HYDIN: variants seen among roughly 807,000 people sequenced by gnomAD.
The protein encoded by HYDIN is axonemal central pair apparatus protein HYDIN.
A neutral mutation model predicts 403.9 loss-of-function variants in HYDIN; 132 were observed. The ratio of observed to expected loss-of-function variants is 0.33; its 90% CI spans 0.28 to 0.38. HYDIN has a LOEUF of 0.38. Ranked by LOEUF, HYDIN falls within the 10% of genes least tolerant of loss-of-function variation. The pLI is 1.00. For synonymous variants in HYDIN, 1,202 were observed against 1,891.7 expected, an observed-to-expected ratio of 0.64 and a Z score of 9.46; for missense variants, 2,827 against 5,009.5, an observed-to-expected ratio of 0.56 and a Z score of 13.15.
chr16:70,908,222 A>C (rs1262155846), intron 49 of HYDIN, 30 bp downstream of exon 49: 1 of 1,474,382 alleles, frequency 6.8e-7, no homozygotes, highest in Non-Finnish European at 9.4e-7. Context: ...ACATCTGTCA[A>C]CCTTTTCTTT....
At chr16:70,985,006 A>C (rs1446281662) in intron 28 of HYDIN, 179 bp downstream of exon 28, 1 of 561,844 alleles carries the variant, frequency 1.8e-6, no homozygotes, top group African/African-American at 1.9e-5. Context: ...GGGACTAAAT[A>C]AATATTTGTT....
At chr16:71,071,130 G>A (rs901918769) in intron 13 of HYDIN, among the ~76,000 whole-genome samples, 2 of 141,908 alleles carry the variant, frequency 1.4e-5, no homozygotes, top group South Asian at 2.5e-4. Flanking sequence ...TGAGTTAGAC[G>A]ATCTGTGAAT....
rs754293008 is a variant in HYDIN at position 70,809,899 on chromosome 16, C to T, written c.14767G>A (p.Ala4923Thr). The T allele has an allele frequency of 2.5e-6, 4 of 1,614,220 alleles. No individual in the cohort carries two copies. The highest frequency in any genetic ancestry group is 2.5e-6 in the Non-Finnish European group (3 of 1,180,036). Reference protein sequence around the residue: ...GYYQYELYLKATPALPEKPVH... With the variant: ...GYYQYELYLKTTPALPEKPVH... ...GGCTTTTCCGGAAGTGCTGGCGTGG[C>T]TTTCAGATAGAGCTCATATTGGTAG... is the stretch of plus-strand genomic sequence containing the variant. Residue 4923 changes from alanine (A) to threonine (T), a missense_variant, in exon 85 of 86, where the codon GCC becomes ACC. Transcript: ENST00000393567.
chr16:70,831,529 CA>C (rs57465488), intron 80 of HYDIN, among the ~76,000 whole-genome samples: 3,854 of 91,536 alleles, frequency 0.042, 150 homozygotes, highest in African/African-American at 0.14. Context: ...AAAAAAAAAC[CA>C]AAAAAAAAAA....
At chr16:70,881,537 G>A (rs2040806307) in intron 60 of HYDIN, among the ~76,000 whole-genome samples, 1 of 146,462 alleles carries the variant, frequency 6.8e-6, no homozygotes, top group Admixed American at 6.7e-5. Context: ...GAACCTGGGA[G>A]GCAGAGCTTG....
intron 85 of HYDIN, 114 bp downstream of exon 85, chr16:70,809,669 A>G: frequency 1.2e-6 from 1 of 847,240 alleles, no homozygotes; most frequent in Non-Finnish European, 1.9e-6. Context: ...CATGACAACG[A>G]AGCACCTGAG....
At chr16:71,020,812 G>GA (rs537902244) in intron 21 of HYDIN, among the ~76,000 whole-genome samples, 47 of 115,156 alleles carry the variant, frequency 4.1e-4, no homozygotes, top group Admixed American at 5.8e-4. Flanking sequence ...CAGTCTCAAG[G>GA]AAAAAAAAAA....
chr16:70,812,327 T>C (rs2035559405), intron 84 of HYDIN, among the ~76,000 whole-genome samples: 1 of 149,754 alleles, frequency 6.7e-6, no homozygotes, highest in African/African-American at 2.5e-5. Context: ...CTGTCTCTAC[T>C]AAAAATACAA....
At chr16:70,864,140 G>A (rs1273468352) in intron 67 of HYDIN, among the ~76,000 whole-genome samples, 51 of 151,966 alleles carry the variant, frequency 3.4e-4, no homozygotes, top group African/African-American at 1.0e-3. Flanking sequence ...AGACCAGCTT[G>A]GCCAACATAG....
At chr16:70,841,048 C>T (rs71401836) in intron 75 of HYDIN, among the ~76,000 whole-genome samples, 11,627 of 151,738 alleles carry the variant, frequency 0.077, 470 homozygotes, top group East Asian at 0.13. Flanking sequence ...AATAAACATT[C>T]ATTTTAAACA....
chr16:71,065,067 GTCT>G, intron 15 of HYDIN, among the ~76,000 whole-genome samples: 1 of 152,370 alleles, frequency 6.6e-6, no homozygotes, highest in South Asian at 2.1e-4. Context: ...TTGAAGAGCT[GTCT>G]GGTGGGTAAT....
At chr16:71,149,655 T>G (rs2085460994) in intron 7 of HYDIN, among the ~76,000 whole-genome samples, 1 of 151,984 alleles carries the variant, frequency 6.6e-6, no homozygotes, top group Non-Finnish European at 1.5e-5. Flanking sequence ...GCCTCCTGAG[T>G]GGCTGGGACC....
At chr16:70,940,953 C>T (rs537833116) in intron 43 of HYDIN, among the ~76,000 whole-genome samples, 61 of 152,202 alleles carry the variant, frequency 4.0e-4, no homozygotes, top group Non-Finnish European at 6.5e-4. Context: ...CCTGGGGGGC[C>T]AAGATTTGCT....
chr16:71,213,670 A>C (rs2088714723), intron 1 of HYDIN, among the ~76,000 whole-genome samples: 1 of 152,168 alleles, frequency 6.6e-6, no homozygotes, highest in Non-Finnish European at 1.5e-5. Context: ...TTCAACATTC[A>C]ACAAAAATTA....
At chr16:71,203,092 T>A (rs1409691532) in intron 1 of HYDIN, among the ~76,000 whole-genome samples, 2 of 152,166 alleles carry the variant, frequency 1.3e-5, no homozygotes, top group African/African-American at 4.8e-5. Context: ...CATGGAGAAG[T>A]CCTTCTGTAG....
chr16:71,038,547 T>C (rs1204840416), intron 18 of HYDIN, among the ~76,000 whole-genome samples: 3 of 151,278 alleles, frequency 2.0e-5, no homozygotes, highest in African/African-American at 7.3e-5. Flanking sequence ...CAAATAACAA[T>C]AGGAAGCAAT....
At chr16:71,210,586 T>A (rs1436049758) in intron 1 of HYDIN, among the ~76,000 whole-genome samples, 3 of 151,944 alleles carry the variant, frequency 2.0e-5, no homozygotes, top group Non-Finnish European at 2.9e-5. Context: ...GATGAAATAA[T>A]CTGTACATTC....
Position 71,087,615 on chromosome 16 carries a change from C to T in HYDIN, c.1670+686G>A, listed in dbSNP as rs1426972092. The T allele has an allele frequency of 1.5e-5, 2 of 136,364 alleles. 1 individual carries two copies. The highest frequency in any genetic ancestry group is 3.1e-5 in the Non-Finnish European group (2 of 63,642). 8.4% of individuals were successfully genotyped at this position (136,364 alleles called of 1,614,324 possible). On this transcript the variant is annotated intron_variant, in intron 12 of 85. Coordinates refer to ENST00000393567, the MANE Select transcript of HYDIN (RefSeq NM_001270974.2). ...AGAGTTGAGAATAAATAGTAATCAC[C>T]TTTCAGCTAATCTTGAGATTCTGAA...
At chr16:71,137,593 A>ATTG (rs371501020) in intron 7 of HYDIN, among the ~76,000 whole-genome samples, 2 of 151,962 alleles carry the variant, frequency 1.3e-5, no homozygotes, top group Non-Finnish European at 2.9e-5. Flanking sequence ...TAAAATATGT[A>ATTG]TTGTTGTTGT....
Sources: allele counts gnomAD v4.1 joint callset (sites outside exome capture counted in the v4.1 genomes callset), GRCh38; gene constraint gnomAD v4.1.1; transcripts MANE v1.5; gene names NCBI Gene and HGNC (gene_info 2026-07-23, HGNC 2026-07-21).